The following ARMC8 variants were observed in gnomAD, a reference collection of about 807,000 sequenced individuals.
ARMC8 encodes the protein armadillo repeat-containing protein 8.
Under a neutral mutation model 99.3 loss-of-function variants are expected in ARMC8, and 20 were observed. The observed-to-expected ratio is 0.20, with a 90% CI of 0.14 to 0.29. ARMC8 has a LOEUF of 0.29. Among genes scored for constraint, ARMC8 ranks in the 10% least tolerant of loss-of-function variants. ARMC8 has a pLI of 1.00. For missense variants in ARMC8, 569 were observed against 809.5 expected, an observed-to-expected ratio of 0.70 and a Z score of 3.60; for synonymous variants, 263 against 278.3, an observed-to-expected ratio of 0.95 and a Z score of 0.55.
chr3:138,295,947 A>G lies in ARMC8; in HGVS notation c.*55A>G. 1 of 1,586,158 alleles carries G rather than the reference A, an allele frequency of 6.3e-7. No homozygotes were observed. The highest frequency in any genetic ancestry group is 8.6e-7 in the Non-Finnish European group (1 of 1,159,096). On this transcript the variant is annotated 3_prime_UTR_variant, in exon 22 of 22. Coordinates refer to ENST00000469044, the MANE Select transcript of ARMC8 (RefSeq NM_001363941.2). ...CCCACCTCCTTGTTTAAGGAAGTAC[A>G]GGAACCAGCCTCATTTGATTCCTTC...
intron 19 of ARMC8, among the ~76,000 whole-genome samples, chr3:138,285,905 A>G (rs1421532150): frequency 1.3e-5 from 2 of 152,132 alleles, no homozygotes; most frequent in Non-Finnish European, 2.9e-5. Context: ...TCTCATACCC[A>G]TCGAGACATA....
chr3:138,281,884 A>C (rs74750529), intron 18 of ARMC8, among the ~76,000 whole-genome samples: 4,209 of 152,254 alleles, frequency 0.028, 86 homozygotes, highest in South Asian at 0.076. Flanking sequence ...CCCCATGAAT[A>C]CCTTGGTTAT....
At chr3:138,244,795 C>A (rs1029218674) in intron 11 of ARMC8, among the ~76,000 whole-genome samples, 1 of 152,198 alleles carries the variant, frequency 6.6e-6, no homozygotes, top group Non-Finnish European at 1.5e-5. Flanking sequence ...TTTAGGAACA[C>A]TGAATTTTTC....
intron 21 of ARMC8, among the ~76,000 whole-genome samples, chr3:138,295,291 G>C (rs1270110005): frequency 4.6e-5 from 7 of 152,092 alleles, no homozygotes; most frequent in Non-Finnish European, 1.5e-5. Flanking sequence ...GTGTCATCAG[G>C]TGTGATGAGA....
intron 21 of ARMC8, among the ~76,000 whole-genome samples, chr3:138,292,298 C>T (rs1483796349): frequency 6.6e-6 from 1 of 152,198 alleles, no homozygotes; most frequent in Non-Finnish European, 1.5e-5. Flanking sequence ...CCTCGGCTTC[C>T]CAAAGTGCTG....
chr3:138,295,814 A>C (rs368970818), intron 21 of ARMC8, 45 bp from the exon 22 acceptor site: 2 of 1,608,194 alleles, frequency 1.2e-6, no homozygotes, highest in African/African-American at 2.7e-5. Context: ...TTTTACCCCA[A>C]TTACAATTCT....
chr3:138,257,698 C>T (rs1031379227), intron 12 of ARMC8, among the ~76,000 whole-genome samples: 22 of 152,136 alleles, frequency 1.4e-4, no homozygotes, highest in Non-Finnish European at 2.8e-4. Flanking sequence ...AAGTGAGGAA[C>T]TCTAGACCTT....
intron 19 of ARMC8, 143 bp from the exon 20 acceptor site, chr3:138,288,905 G>A (rs2050682051): frequency 1.6e-6 from 1 of 616,192 alleles, no homozygotes; most frequent in Non-Finnish European, 2.9e-6. Flanking sequence ...CCAAAGTGCT[G>A]GGATTACAGG....
At chr3:138,226,858 G>A (rs2045724303) in intron 5 of ARMC8, among the ~76,000 whole-genome samples, 1 of 152,148 alleles carries the variant, frequency 6.6e-6, no homozygotes. Context: ...GACCCCTGGA[G>A]GTTAAATTTA....
intron 12 of ARMC8, among the ~76,000 whole-genome samples, chr3:138,248,644 A>C (rs1057261813): frequency 9.2e-5 from 14 of 152,342 alleles, no homozygotes; most frequent in African/African-American, 3.1e-4. Context: ...TCTATGACAA[A>C]TAATTGCTGT....
chr3:138,188,434 A>C (rs1321530199), intron 1 of ARMC8: 50 of 1,588,628 alleles, frequency 3.1e-5, no homozygotes, highest in Non-Finnish European at 4.0e-5. Context: ...TTCACCTTTC[A>C]CTATGTTGCT....
At chr3:138,193,491 C>T (rs1435872186) in intron 1 of ARMC8, among the ~76,000 whole-genome samples, 5 of 152,186 alleles carry the variant, frequency 3.3e-5, no homozygotes, top group African/African-American at 4.8e-5. Context: ...GTCTCAATCT[C>T]CTGGCCTCAG....
intron 18 of ARMC8, among the ~76,000 whole-genome samples, chr3:138,276,258 T>C (rs2049283083): frequency 6.6e-6 from 1 of 152,204 alleles, no homozygotes; most frequent in Non-Finnish European, 1.5e-5. Flanking sequence ...GATAAATTAT[T>C]TTTTTGACTG....
At chr3:138,254,452 G>A (rs1442647963) in intron 12 of ARMC8, among the ~76,000 whole-genome samples, 1 of 152,204 alleles carries the variant, frequency 6.6e-6, no homozygotes, top group South Asian at 2.1e-4. Context: ...CAGGCATTGT[G>A]TTGCACAATT....
In ARMC8 at chr3:138,209,712, A is replaced by G. The variant is rs2044588363; in HGVS notation, c.46-105A>G. The G allele has an allele frequency of 1.2e-5, 11 of 937,792 alleles. 1 individual carries two copies. The highest frequency in any genetic ancestry group is 4.4e-5 in the South Asian group (3 of 68,158). 58.1% of individuals were successfully genotyped at this position (937,792 alleles called of 1,614,324 possible). A position where few individuals can be genotyped will look rare whatever the true frequency, so the allele number is the denominator to read the frequency against. The stretch of plus-strand genomic sequence containing the variant: ...AAGTATTTCATATAAATTTTAATGC[A>G]TCTACCTTAAGTTAAATTATCTAGT... On this transcript the variant is annotated intron_variant, in intron 1 of 21. Coordinates refer to ENST00000469044, the MANE Select transcript of ARMC8 (RefSeq NM_001363941.2).
chr3:138,228,932 A>G lies in ARMC8; in HGVS notation c.450A>G (p.Ile150Met), dbSNP rs763655804. The change falls in exon 6 of 22, where the codon ATA becomes ATG. Residue 150 changes from isoleucine (I) to methionine (M), a missense_variant. Transcript: ENST00000469044. Reference protein sequence around the residue: ...EELLYTDATVIPHLMALLSRS... With the variant: ...EELLYTDATVMPHLMALLSRS... Reference sequence around the variant, plus strand: ...TCCTTCCCTAGGATGCCACAGTGATACCACACCTCATGGCACTGCTTAGCA... The same window carrying G: ...TCCTTCCCTAGGATGCCACAGTGATGCCACACCTCATGGCACTGCTTAGCA... 1.9e-6 allele frequency: 3 copies of G among 1,607,608 alleles called. No individual in the cohort carries two copies. The highest frequency in any genetic ancestry group is 1.7e-5 in the Admixed American group (1 of 59,740).
rs963850718 is a variant in ARMC8 at position 138,296,116 on chromosome 3, T to C, written c.*224T>C. On this transcript the variant is annotated 3_prime_UTR_variant, in exon 22 of 22. Coordinates refer to ENST00000469044, the MANE Select transcript of ARMC8 (RefSeq NM_001363941.2). Reference sequence around the variant, plus strand: ...CTTGTGTTTTGTTTTGGTTTTTTTTTCTGAGCTACTCGGACTCTTTATTAG... The same window carrying C: ...CTTGTGTTTTGTTTTGGTTTTTTTTCCTGAGCTACTCGGACTCTTTATTAG... 2 of 490,292 alleles carry C rather than the reference T, an allele frequency of 4.1e-6. No individual in the cohort carries two copies. Among genetic ancestry groups the C allele is most frequent in the Non-Finnish European group, 7.2e-6 (2 of 277,682 alleles). The allele number at this position is 490,292 out of a possible 1,614,324, so 30.4% of individuals were successfully genotyped here.
chr3:138,256,496 C>T lies in ARMC8; in HGVS notation c.1135-7243C>T, dbSNP rs949986366. ...TGCTATCTCGGCTCACTGCAAGCTC[C>T]GCCTCCTGGGTTCACGCCATTCTCC... On this transcript the variant is annotated intron_variant, in intron 12 of 21. Coordinates refer to ENST00000469044, the MANE Select transcript of ARMC8 (RefSeq NM_001363941.2). 4.0e-5 allele frequency among the ~76,000 whole-genome samples: 6 copies of T among 150,244 alleles called. 1 individual carries two copies. Among genetic ancestry groups the T allele is most frequent in the South Asian group, 4.2e-4 (2 of 4,754 alleles).
At chr3:138,286,715 A>G (rs925032192) in intron 19 of ARMC8, among the ~76,000 whole-genome samples, 3 of 152,058 alleles carry the variant, frequency 2.0e-5, no homozygotes, top group African/African-American at 7.2e-5. Flanking sequence ...GGTGGTTCTT[A>G]CGTACAGACA....
Sources: allele counts gnomAD v4.1 joint callset (sites outside exome capture counted in the v4.1 genomes callset), GRCh38; gene constraint gnomAD v4.1.1; transcripts MANE v1.5; gene names NCBI Gene and HGNC (gene_info 2026-07-23, HGNC 2026-07-21).